Variants in DPP10 observed in about 807,000 individuals in gnomAD.
DPP10 encodes the protein inactive dipeptidyl peptidase 10.
A neutral mutation model predicts 120.9 loss-of-function variants in DPP10; 33 were observed. That is an observed-to-expected ratio of 0.27 (90% confidence interval 0.21 to 0.37). DPP10 has a LOEUF of 0.37. Ranked by LOEUF, DPP10 falls within the 10% of genes least tolerant of loss-of-function variation. The probability of loss-of-function intolerance (pLI) is 1.00; values close to 1 mark genes in which losing one functional copy is unlikely to be tolerated. For missense variants in DPP10, 816 were observed against 942.8 expected (o/e 0.87, Z 1.76); for synonymous variants, 337 against 326.1 (o/e 1.03, Z -0.36).
intron 1 of DPP10, among the ~76,000 whole-genome samples, chr2:115,124,744 T>C (rs945395930): frequency 7.2e-5 from 11 of 152,234 alleles, no homozygotes; most frequent in Admixed American, 4.6e-4. Context: ...AAATGGGAAA[T>C]GTCTGTTTGT....
intron 7 of DPP10, among the ~76,000 whole-genome samples, chr2:115,713,703 C>T (rs1164974566): frequency 6.6e-6 from 1 of 152,208 alleles, no homozygotes; most frequent in Non-Finnish European, 1.5e-5. Flanking sequence ...GTGCAGATAA[C>T]TTAGAATCTG....
chr2:115,524,997 CAAAG>C (rs1413903998), intron 4 of DPP10, among the ~76,000 whole-genome samples: 2 of 152,010 alleles, frequency 1.3e-5, no homozygotes, highest in Admixed American at 6.6e-5. Flanking sequence ...AAAAACAAAA[CAAAG>C]AAACTCTGAC....
intron 1 of DPP10, among the ~76,000 whole-genome samples, chr2:114,800,717 T>G (rs1322085050): frequency 6.6e-6 from 1 of 152,168 alleles, no homozygotes; most frequent in Non-Finnish European, 1.5e-5. Flanking sequence ...GTTTTATACA[T>G]GAAATAATTG....
At chr2:114,646,096 GT>G (rs1696103778) in intron 1 of DPP10, among the ~76,000 whole-genome samples, 1 of 151,812 alleles carries the variant, frequency 6.6e-6, no homozygotes, top group African/African-American at 2.4e-5. Context: ...GGAGGCGGAG[GT>G]TGCAGTGAGC....
intron 1 of DPP10, among the ~76,000 whole-genome samples, chr2:114,623,098 C>T (rs1404183581): frequency 4.6e-5 from 7 of 151,960 alleles, no homozygotes; most frequent in African/African-American, 1.5e-4. Context: ...ACAGTAGAGC[C>T]CAAATCCCTT....
chr2:115,671,708 C>A (rs2089880699), intron 5 of DPP10, among the ~76,000 whole-genome samples: 1 of 151,924 alleles, frequency 6.6e-6, no homozygotes, highest in Non-Finnish European at 1.5e-5. Flanking sequence ...ATTTAGAAAG[C>A]CCTTTAGATT....
intron 1 of DPP10, among the ~76,000 whole-genome samples, chr2:114,868,917 G>C (rs968984833): frequency 6.6e-6 from 1 of 152,128 alleles, no homozygotes; most frequent in South Asian, 2.1e-4. Context: ...ACCGGAGCCT[G>C]TTTTTCTTTA....
intron 1 of DPP10, among the ~76,000 whole-genome samples, chr2:115,211,019 C>T (rs939964630): frequency 3.9e-5 from 6 of 151,946 alleles, no homozygotes; most frequent in Admixed American, 6.6e-5. Flanking sequence ...GTTTATTTTG[C>T]CAAAAGCAAT....
At position 114,606,184 on chromosome 2, in the gene DPP10, A is replaced by G. The variant is rs185784351; in HGVS notation, c.60+163346A>G. 1.2e-4 allele frequency among the ~76,000 whole-genome samples: 18 copies of G among 152,280 alleles called. No individual in the cohort carries two copies. The Middle Eastern group carries it at 0.01, about 86-fold the overall frequency. The stretch of plus-strand genomic sequence containing the variant: ...ACTTGAAATCTGAAACATGGGTTCC[A>G]TGATCTATACACTTAATAAGCCTTT... On this transcript the variant is annotated intron_variant, in intron 1 of 25. Transcript: ENST00000410059.
intron 19 of DPP10, among the ~76,000 whole-genome samples, chr2:115,803,054 G>A (rs961940266): frequency 6.6e-6 from 1 of 152,140 alleles, no homozygotes; most frequent in South Asian, 2.1e-4. Context: ...CATTATTATT[G>A]TGTGGGATTC....
intron 1 of DPP10, among the ~76,000 whole-genome samples, chr2:114,469,439 A>G (rs1679715409): frequency 6.6e-6 from 1 of 152,180 alleles, no homozygotes; most frequent in South Asian, 2.1e-4. Flanking sequence ...AAAAATATAT[A>G]TATATTGTGG....
intron 1 of DPP10, among the ~76,000 whole-genome samples, chr2:115,083,862 C>T (rs1173086495): frequency 6.6e-6 from 1 of 152,136 alleles, no homozygotes; most frequent in Non-Finnish European, 1.5e-5. Flanking sequence ...ATCTGTTTGC[C>T]TTAGGATTGT....
At chr2:115,072,254 G>A (rs1485158978) in intron 1 of DPP10, among the ~76,000 whole-genome samples, 1 of 152,126 alleles carries the variant, frequency 6.6e-6, no homozygotes, top group Non-Finnish European at 1.5e-5. Context: ...ACTAAGCCAA[G>A]CAGACAAGTA....
chr2:114,942,165 C>T (rs1036455262), intron 1 of DPP10, among the ~76,000 whole-genome samples: 7 of 150,088 alleles, frequency 4.7e-5, no homozygotes, highest in African/African-American at 9.8e-5. Context: ...CCCAGCTACT[C>T]GGGAGACTAA....
intron 1 of DPP10, among the ~76,000 whole-genome samples, chr2:115,055,482 AG>A (rs1200890058): frequency 6.6e-6 from 1 of 152,226 alleles, no homozygotes; most frequent in Admixed American, 6.5e-5. Flanking sequence ...CGACAGGCGA[AG>A]AACCACTTAA....
chr2:114,498,834 A>T (rs12464258), intron 1 of DPP10, among the ~76,000 whole-genome samples: 38,888 of 152,170 alleles, frequency 0.26, 6,240 homozygotes, highest in Admixed American at 0.4. Flanking sequence ...GACACTGAAG[A>T]CACAGCATCT....
intron 3 of DPP10, among the ~76,000 whole-genome samples, chr2:115,414,438 A>G (rs907391413): frequency 5.9e-5 from 9 of 152,186 alleles, no homozygotes; most frequent in South Asian, 2.1e-4. Flanking sequence ...TTTGACACAT[A>G]GTAGGAAATC....
At chr2:115,390,124 C>T (rs2067225192) in intron 3 of DPP10, among the ~76,000 whole-genome samples, 1 of 152,188 alleles carries the variant, frequency 6.6e-6, no homozygotes, top group Non-Finnish European at 1.5e-5. Context: ...TGACTATCCC[C>T]TTGTAGAGAG....
chr2:114,555,084 T>C (rs1295103714), intron 1 of DPP10, among the ~76,000 whole-genome samples: 1 of 152,190 alleles, frequency 6.6e-6, no homozygotes, highest in African/African-American at 2.4e-5. Context: ...CTGGGATTGG[T>C]GCTGGGTACT....
Sources: gnomAD v4.1 joint callset for allele counts (sites outside exome capture counted in the v4.1 genomes callset) on GRCh38, gnomAD v4.1.1 for gene constraint, MANE v1.5 for transcripts, NCBI Gene and HGNC (gene_info 2026-07-23, HGNC 2026-07-21) for gene names.